The following OGG1 variants were observed in gnomAD, a reference collection of about 807,000 sequenced individuals.
OGG1 encodes the protein N-glycosylase/DNA lyase.
Under a neutral mutation model 42.3 loss-of-function variants are expected in OGG1, and 35 were observed. That is an observed-to-expected ratio of 0.83 (90% CI 0.63 to 1.10). OGG1 has a LOEUF of 1.10. OGG1 is among the 50% of genes least tolerant of loss of function. The pLI, the probability that OGG1 is intolerant of heterozygous loss-of-function variation, is 0.00. For missense variants in OGG1, 484 were observed against 446.7 expected, an observed-to-expected ratio of 1.08 and a Z score of -0.75; for synonymous variants, 189 against 179.0, an observed-to-expected ratio of 1.06 and a Z score of -0.44.
chr3:9,769,083 C>T (rs528486007), downstream of OGG1, among the ~76,000 whole-genome samples: 1 of 152,044 alleles, frequency 6.6e-6, no homozygotes, highest in Non-Finnish European at 1.5e-5. Flanking sequence ...GACACCTGAT[C>T]ATACATGTAC....
chr3:9,777,351 A>C (rs1305601002), intron 2 of OGG1, among the ~76,000 whole-genome samples: 1 of 152,202 alleles, frequency 6.6e-6, no homozygotes, highest in Admixed American at 6.5e-5. Context: ...CTCCACACTC[A>C]TAAAGGAGGC....
At chr3:9,776,715 C>G (rs866048486) in intron 2 of OGG1, among the ~76,000 whole-genome samples, 4 of 152,104 alleles carry the variant, frequency 2.6e-5, no homozygotes, top group Non-Finnish European at 5.9e-5. Context: ...CTCTTGCGGC[C>G]TAGTGTTTTG....
rs1195897696 is a variant in OGG1, at chr3:9,756,388, A to G, written c.748-83A>G. The G allele has an allele frequency of 2.8e-6, 4 of 1,406,086 alleles. No homozygotes were observed. In the Admixed American group the frequency reaches 5.1e-5, roughly 18 times the overall value. 87.1% of individuals were successfully genotyped at this position (1,406,086 alleles called of 1,614,324 possible). On this transcript the variant is annotated intron_variant, in intron 4 of 6. Transcript: ENST00000344629. ...ACAGTAACCCCAGAGTGAAGGAGAA[A>G]GCAGCCGGCTTTGGGGCTATAAGCA...
chr3:9,764,378 T>C (rs1234605261), intron 7 of OGG1, among the ~76,000 whole-genome samples: 2 of 152,094 alleles, frequency 1.3e-5, no homozygotes, highest in Non-Finnish European at 2.9e-5. Context: ...AATGGCATGA[T>C]CTTGGCTCAT....
Position 9,749,991 on chromosome 3 carries a change from A to T in OGG1, c.-296A>T. On this transcript the variant is annotated 5_prime_UTR_variant, in exon 1 of 7. Transcript: ENST00000344629. ...CTGCCCCTGGAGAACCCAGAAGAAC[A>T]CAGCTGTGCGCGCCCACAGGCTCTG... 2.1e-6 allele frequency: 1 copy of T among 466,030 alleles called. No individual in the cohort carries two copies. Among genetic ancestry groups the T allele is most frequent in the Non-Finnish European group, 3.9e-6 (1 of 256,978 alleles). 28.9% of individuals were successfully genotyped at this position (466,030 alleles called of 1,614,324 possible).
downstream of OGG1, chr3:9,757,480 G>A (rs772807247): frequency 3.1e-6 from 5 of 1,603,396 alleles, no homozygotes; most frequent in Non-Finnish European, 2.6e-6. This position sits in a 1 kb window ranked among gnomAD's most constrained non-coding sequence, Gnocchi z 4.5. Flanking sequence ...GGGAGGGAAG[G>A]GGAGCAGGCT....
intron 2 of OGG1, among the ~76,000 whole-genome samples, chr3:9,772,762 T>A (rs547001254): frequency 6.6e-6 from 1 of 152,094 alleles, no homozygotes; most frequent in Non-Finnish European, 1.5e-5. Flanking sequence ...CCATAAGGAA[T>A]GGAAGAGGTA....
intron 2 of OGG1, among the ~76,000 whole-genome samples, chr3:9,775,644 G>GTT (rs71052204): frequency 1.4e-4 from 20 of 142,144 alleles, no homozygotes; most frequent in South Asian, 2.2e-4. Context: ...ATACCCAGAG[G>GTT]TTTTTTTTTT....
At chr3:9,789,022 G>C (rs1414058239), downstream of OGG1, among the ~76,000 whole-genome samples, 1 of 152,050 alleles carries the variant, frequency 6.6e-6, no homozygotes, top group African/African-American at 2.4e-5. Context: ...TTTTGGTAGA[G>C]ATGGGGTTTC....
At chr3:9,763,136 C>T (rs747803654) in intron 7 of OGG1, 1 of 1,614,112 alleles carries the variant, frequency 6.2e-7, no homozygotes, top group Non-Finnish European at 8.5e-7. Flanking sequence ...TTGGGCCACT[C>T]ACAGCTGCAT....
In OGG1 at chr3:9,781,168, G is replaced by A. The variant is rs191264890; in HGVS notation, c.295-345G>A. ...GTCTTAAAAATATACACAGTAGGCT[G>A]GGCAAAGTAGCTCATGCCTGTAATC... On this transcript the variant is annotated intron_variant, in intron 2 of 3. Coordinates refer to the OGG1 transcript ENST00000426518. Among the ~76,000 whole-genome samples the A allele has an allele frequency of 1.9e-4, 29 of 152,130 alleles. 1 individual carries two copies. In the East Asian group the frequency reaches 4.4e-3, roughly 23 times the overall value.
chr3:9,780,673 G>A lies in OGG1; in HGVS notation c.295-840G>A, dbSNP rs542062564. On this transcript the variant is annotated intron_variant, in intron 2 of 3. Transcript: ENST00000426518. ...TGCCTGTGGATTGTGTCATACAGTC[G>A]TGACCAAAAAGCAGTTACTGACCTA... 2.3e-4 allele frequency: 236 copies of A among 1,007,742 alleles called. 3 individuals carry two copies. In the South Asian group the frequency reaches 3.7e-3, roughly 16 times the overall value. The allele number at this position is 1,007,742 out of a possible 1,614,324, so 62.4% of individuals were successfully genotyped here.
intron 3 of OGG1, chr3:9,787,371 G>T (rs1350522735): frequency 1.3e-6 from 2 of 1,579,208 alleles, no homozygotes; most frequent in Non-Finnish European, 1.7e-6. Flanking sequence ...AACCCTGAGT[G>T]GGTAAGCACT....
chr3:9,763,403 CAA>C (rs571944870), intron 7 of OGG1: 3,568 of 76,030 alleles, frequency 0.047, 135 homozygotes, highest in African/African-American at 0.14. Context: ...GACCCTGTCT[CAA>C]AAAAAAAAAA....
At chr3:9,761,457 T>C, downstream of OGG1, 3 of 1,608,506 alleles carry the variant, frequency 1.9e-6, no homozygotes, top group Non-Finnish European at 2.5e-6. Flanking sequence ...CAAGCCCCAC[T>C]TACAAGATGT....
chr3:9,768,504 CATT>C (rs1312838917), downstream of OGG1, among the ~76,000 whole-genome samples: 9 of 152,306 alleles, frequency 5.9e-5, no homozygotes, highest in African/African-American at 1.9e-4. Flanking sequence ...AGTTCTCTCC[CATT>C]TATCAGATGA....
chr3:9,761,631 C>G, downstream of OGG1: 1 of 1,614,132 alleles, frequency 6.2e-7, no homozygotes. Flanking sequence ...CCCTCCGCAC[C>G]CACGTATCCC....
intron 2 of OGG1, among the ~76,000 whole-genome samples, chr3:9,774,363 T>C (rs1045020265): frequency 2.0e-5 from 3 of 148,302 alleles, no homozygotes; most frequent in Admixed American, 1.4e-4. Flanking sequence ...GAGCTGAGAT[T>C]GCACCATTGC....
chr3:9,768,644 C>G (rs1442831300), downstream of OGG1, among the ~76,000 whole-genome samples: 1 of 152,196 alleles, frequency 6.6e-6, no homozygotes, highest in Non-Finnish European at 1.5e-5. Flanking sequence ...GCTGGTACTT[C>G]CAATATGAAG....
Sources: gnomAD v4.1 joint callset for allele counts (sites outside exome capture counted in the v4.1 genomes callset) on GRCh38, gnomAD v4.1.1 for gene constraint, Gnocchi (gnomAD v3.1) non-coding constraint, MANE v1.5 for transcripts, NCBI Gene and HGNC (gene_info 2026-07-23, HGNC 2026-07-21) for gene names.